Variants in PDE4A observed in about 807,000 individuals in gnomAD.
The protein encoded by PDE4A is phosphodiesterase 4A, also known as 3',5'-cyclic-AMP phosphodiesterase 4A.
Under a neutral mutation model 73.9 loss-of-function variants are expected in PDE4A, and 21 were observed. That is an observed-to-expected ratio of 0.28 (90% confidence interval 0.20 to 0.41). The LOEUF is 0.41. Ranked by LOEUF, PDE4A falls within the 10% of genes least tolerant of loss-of-function variation. The pLI is 1.00. For missense variants in PDE4A, 958 were observed against 1,211.4 expected (o/e 0.79, Z 3.10); for synonymous variants, 463 against 505.4 (o/e 0.92, Z 1.13).
At chr19:10,426,530 C>T (rs1435032630) in intron 1 of PDE4A, among the ~76,000 whole-genome samples, 1 of 152,116 alleles carries the variant, frequency 6.6e-6, no homozygotes, top group Admixed American at 6.6e-5. Flanking sequence ...GCCATAGACA[C>T]ATTCCCTGCT....
chr19:10,421,215 G>T, intron 1 of PDE4A, 131 bp downstream of exon 1: 1 of 1,335,428 alleles, frequency 7.5e-7, no homozygotes, highest in South Asian at 2.0e-5. Flanking sequence ...GAGGGAATTC[G>T]GCTGCGGGGG....
At chr19:10,465,077 G>A (rs1010478984) in intron 14 of PDE4A, among the ~76,000 whole-genome samples, 4 of 151,968 alleles carry the variant, frequency 2.6e-5, no homozygotes, top group Non-Finnish European at 5.9e-5. Flanking sequence ...GTCTCTACCC[G>A]TCCAGACCTG....
chr19:10,449,491 C>G (rs916115118), intron 4 of PDE4A, among the ~76,000 whole-genome samples: 1 of 152,016 alleles, frequency 6.6e-6, no homozygotes, highest in Non-Finnish European at 1.5e-5. Context: ...TCCCGGGTAG[C>G]TGGGATTACA....
At chr19:10,452,283 C>T (rs568969758) in intron 6 of PDE4A, among the ~76,000 whole-genome samples, 29 of 151,844 alleles carry the variant, frequency 1.9e-4, no homozygotes, top group African/African-American at 6.3e-4. Flanking sequence ...ACTAAACATA[C>T]AAAATTAGTC....
chr19:10,459,336 A>G, intron 8 of PDE4A, 64 bp from the exon 9 acceptor site: 1 of 1,611,314 alleles, frequency 6.2e-7, no homozygotes, highest in South Asian at 1.1e-5. Flanking sequence ...TCAAACTCCT[A>G]GGAAATGTTC....
At chr19:10,446,102 G>A in intron 1 of PDE4A, 116 bp from the exon 2 acceptor site, 2 of 1,441,370 alleles carry the variant, frequency 1.4e-6, no homozygotes, top group South Asian at 1.4e-5. Context: ...GCCTCCCAAA[G>A]TGCTGGGATT....
rs962181206 is a variant in PDE4A at position 10,458,753 on chromosome 19, G to A, written c.1102-647G>A. Among the ~76,000 whole-genome samples the A allele has an allele frequency of 5.3e-5, 8 of 152,034 alleles. No individual in the cohort carries two copies. Among genetic ancestry groups the A allele is most frequent in the Admixed American group, 2.0e-4 (3 of 15,256 alleles). On this transcript the variant is annotated intron_variant, in intron 8 of 14. Transcript: ENST00000380702. This position sits in a 1 kb window ranked among gnomAD's most constrained non-coding sequence, Gnocchi z 4.6. The stretch of plus-strand genomic sequence containing the variant: ...CCTGCCTCACCCTCCTGACTAGCCG[G>A]GACTAAAGGCCTGTGCCAGCACACC...
At chr19:10,464,088 G>A in intron 14 of PDE4A, 113 bp downstream of exon 14, 2 of 1,394,488 alleles carry the variant, frequency 1.4e-6, no homozygotes, top group Non-Finnish European at 2.0e-6. Flanking sequence ...ATGCCAAGTT[G>A]TCCTGTTTTT....
intron 1 of PDE4A, among the ~76,000 whole-genome samples, chr19:10,431,873 GTCTC>G (rs914554073): frequency 6.6e-5 from 10 of 152,018 alleles, no homozygotes; most frequent in Admixed American, 6.6e-4. Context: ...TTCTCTCCGG[GTCTC>G]TCTCTCTGCG....
intron 1 of PDE4A, among the ~76,000 whole-genome samples, chr19:10,429,858 G>C (rs945746591): frequency 6.6e-6 from 1 of 152,108 alleles, no homozygotes; most frequent in Admixed American, 6.6e-5. Context: ...GAGTCTGAAG[G>C]CATTCCCGAG....
At chr19:10,466,444 C>CAAA (rs367836712) in intron 14 of PDE4A, among the ~76,000 whole-genome samples, 9,705 of 63,212 alleles carry the variant, frequency 0.15, 919 homozygotes, top group Non-Finnish European at 0.19. Context: ...GACTCCGTCT[C>CAAA]AAAAAAAAAA....
At chr19:10,432,291 G>A (rs1032471944) in intron 1 of PDE4A, 2 of 1,148,474 alleles carry the variant, frequency 1.7e-6, no homozygotes, top group Non-Finnish European at 1.1e-6. Flanking sequence ...TCGACCGCCC[G>A]GGGCTGTCCC....
upstream of PDE4A, among the ~76,000 whole-genome samples, chr19:10,419,247 C>G (rs2042617792): frequency 8.8e-6 from 1 of 114,226 alleles, no homozygotes; most frequent in Non-Finnish European, 1.8e-5. Context: ...GGCGGTGGGA[C>G]ACGCGGGCGC....
chr19:10,464,202 A>C (rs1179794036), intron 14 of PDE4A, among the ~76,000 whole-genome samples: 3 of 152,050 alleles, frequency 2.0e-5, no homozygotes, highest in African/African-American at 7.3e-5. Flanking sequence ...GGTTCAAGTG[A>C]TTCTCCTGCC....
intron 6 of PDE4A, chr19:10,452,852 A>T: frequency 9.2e-6 from 4 of 433,158 alleles, no homozygotes; most frequent in East Asian, 1.5e-4. Context: ...ATGGGCTCTG[A>T]TGCCCCTTTA....
At position 10,453,230 on chromosome 19, in the gene PDE4A, T is replaced by C; in HGVS notation, c.784-1599T>C. 1 of 1,598,046 alleles carries C rather than the reference T, an allele frequency of 6.3e-7. No individual in the cohort carries two copies. Among genetic ancestry groups the C allele is most frequent in the Non-Finnish European group, 8.5e-7 (1 of 1,172,304 alleles). ...CGGGACTCCCCAAGCCCAGCCTCTG[T>C]GTGCAGCAGCCCCAGGCGGGCTAAG... On this transcript the variant is annotated intron_variant, in intron 6 of 14. Transcript: ENST00000380702. The surrounding 1 kb of genome is among the most constrained non-coding windows in gnomAD (Gnocchi z 4.6).
At chr19:10,459,840 T>C in intron 10 of PDE4A, 81 bp downstream of exon 10, 1 of 1,442,658 alleles carries the variant, frequency 6.9e-7, no homozygotes, top group Non-Finnish European at 9.4e-7. Context: ...TCTCTGACCC[T>C]GTGTCTCTGA....
intron 6 of PDE4A, among the ~76,000 whole-genome samples, chr19:10,451,357 G>GGTGTGTCTGTCTGGTTGTAC (rs2043088331): frequency 6.6e-6 from 1 of 152,034 alleles, no homozygotes; most frequent in Admixed American, 6.6e-5. Context: ...TGTGGGGTGG[G>GGTGTGTCTGTCTGGTTGTAC]GTGTGTCTGT....
chr19:10,463,383 C>T (rs1599459015), intron 13 of PDE4A, among the ~76,000 whole-genome samples: 1 of 150,194 alleles, frequency 6.7e-6, no homozygotes, highest in South Asian at 2.1e-4. Flanking sequence ...AGCCACCGCG[C>T]CCAGCCCCAT....
Sources: gnomAD v4.1 joint callset for allele counts (sites outside exome capture counted in the v4.1 genomes callset) on GRCh38, gnomAD v4.1.1 for gene constraint, Gnocchi (gnomAD v3.1) non-coding constraint, MANE v1.5 for transcripts, NCBI Gene and HGNC (gene_info 2026-07-23, HGNC 2026-07-21) for gene names.